BICD2: variants seen among roughly 807,000 people sequenced by gnomAD.
The protein encoded by BICD2 is protein bicaudal D homolog 2.
A neutral mutation model predicts 72.9 loss-of-function variants in BICD2; 25 were observed. The observed-to-expected ratio is 0.34, with a 90% confidence interval of 0.25 to 0.48. The LOEUF is 0.48. Ranked by LOEUF, BICD2 falls within the 20% of genes least tolerant of loss-of-function variation. The pLI, the probability that BICD2 is intolerant of heterozygous loss-of-function variation, is 0.99. For missense variants in BICD2, 894 were observed against 1,175.2 expected (o/e 0.76, Z 3.50); for synonymous variants, 501 against 516.1 (o/e 0.97, Z 0.40).
rs779170531 is a variant in BICD2 at position 92,715,391 on chromosome 9, C to T, written c.2331G>A (p.Thr777=). 2.9e-5 allele frequency: 46 copies of T among 1,610,258 alleles called. No individual in the cohort carries two copies. The highest frequency in any genetic ancestry group is 3.7e-5 in the Non-Finnish European group (44 of 1,177,414). The change falls in exon 7 of 7, where the codon ACG becomes ACA. Residue 777 remains threonine, a synonymous_variant. Coordinates refer to ENST00000356884, the MANE Select transcript of BICD2 (RefSeq NM_001003800.2). ...TGGCCATGCGCAGCAGCGAGTTCAGCGTCTTCTTCTCGTCCTCAGCAGCCG... is the reference window on the plus strand; with the variant it reads ...TGGCCATGCGCAGCAGCGAGTTCAGTGTCTTCTTCTCGTCCTCAGCAGCCG... ...QLAAAEDEKK[T]LNSLLRMAIQ... is the part of the protein sequence containing the mutation.
At chr9:92,746,974 T>C (rs2131526870) in intron 1 of BICD2, among the ~76,000 whole-genome samples, 2 of 152,354 alleles carry the variant, frequency 1.3e-5, no homozygotes, top group Middle Eastern at 6.8e-3. Flanking sequence ...CGGAAATGTC[T>C]GACTGTTGAG....
intron 1 of BICD2, among the ~76,000 whole-genome samples, chr9:92,757,588 C>T (rs557852705): frequency 6.1e-4 from 4 of 6,560 alleles, no homozygotes; most frequent in Non-Finnish European, 9.3e-4. Flanking sequence ...CCAGCTACTG[C>T]GGGGGGGCGG....
chr9:92,757,123 G>A (rs1382719931), intron 1 of BICD2, among the ~76,000 whole-genome samples: 1 of 151,874 alleles, frequency 6.6e-6, no homozygotes, highest in Non-Finnish European at 1.5e-5. Flanking sequence ...AGACCAGCCC[G>A]GGCAACATGG....
At chr9:92,724,950 C>T (rs1229977754) in intron 2 of BICD2, among the ~76,000 whole-genome samples, 2 of 152,218 alleles carry the variant, frequency 1.3e-5, no homozygotes. Context: ...CCAGCCGGCT[C>T]CTCAGGCGGA....
intron 6 of BICD2, among the ~76,000 whole-genome samples, chr9:92,716,754 G>C (rs1853323115): frequency 6.6e-6 from 1 of 152,212 alleles, no homozygotes; most frequent in African/African-American, 2.4e-5. Flanking sequence ...CTGAAACCAG[G>C]ACCTGCCCCA....
At position 92,713,989 on chromosome 9, in the gene BICD2, C is replaced by T. The variant is rs749817557; in HGVS notation, c.*1165G>A. On this transcript the variant is annotated 3_prime_UTR_variant, in exon 7 of 7. Coordinates refer to ENST00000356884, the MANE Select transcript of BICD2 (RefSeq NM_001003800.2). ...CCACAGGGTGATCGGGAAAAAAGTA[C>T]TGAGAAAAGTTCTGCTCAGAATGTG... 21 of 987,504 alleles carry T rather than the reference C, an allele frequency of 2.1e-5. No homozygotes were observed. Among genetic ancestry groups the T allele is most frequent in the Non-Finnish European group, 2.4e-5 (20 of 831,236 alleles). 61.2% of individuals were successfully genotyped at this position (987,504 alleles called of 1,614,324 possible).
intron 1 of BICD2, among the ~76,000 whole-genome samples, chr9:92,745,021 T>G (rs1444417771): frequency 6.6e-6 from 1 of 152,200 alleles, no homozygotes; most frequent in East Asian, 1.9e-4. Flanking sequence ...TTGCTTGTTA[T>G]TCATAAAATG....
chr9:92,733,800 T>C (rs1853722447), intron 1 of BICD2, among the ~76,000 whole-genome samples: 2 of 151,846 alleles, frequency 1.3e-5, no homozygotes, highest in Admixed American at 6.6e-5. Context: ...ACCCCGTCTC[T>C]ACTAAAAATA....
In BICD2 at chr9:92,753,962, G is replaced by A. The variant is rs556039136; in HGVS notation, c.240+10543C>T. Among the ~76,000 whole-genome samples, 452 of 151,308 alleles carry A rather than the reference G, an allele frequency of 3.0e-3. 1 individual carries two copies. Among genetic ancestry groups the A allele is most frequent in the Non-Finnish European group, 5.4e-3 (369 of 67,798 alleles). On this transcript the variant is annotated intron_variant, in intron 1 of 6. Coordinates refer to ENST00000356884, the MANE Select transcript of BICD2 (RefSeq NM_001003800.2). Reference sequence around the variant, plus strand: ...GATCAAGACCATCCCAGCTAACACCGTGAAACCCCGTCACTACTAAAAATA... The same window carrying A: ...GATCAAGACCATCCCAGCTAACACCATGAAACCCCGTCACTACTAAAAATA...
chr9:92,737,624 G>A (rs1332922565), intron 1 of BICD2, among the ~76,000 whole-genome samples: 1 of 152,144 alleles, frequency 6.6e-6, no homozygotes, highest in African/African-American at 2.4e-5. Context: ...AAAAGATTAC[G>A]ACCAACAACA....
At chr9:92,745,714 A>C (rs1430870826) in intron 1 of BICD2, among the ~76,000 whole-genome samples, 1 of 152,150 alleles carries the variant, frequency 6.6e-6, no homozygotes, top group African/African-American at 2.4e-5. Context: ...CTCTCACAGG[A>C]GGTATTAGCT....
rs1445458188 is a variant in BICD2, at chr9:92,720,584, C to A, written c.778G>T (p.Glu260Ter). 1 of 1,614,164 alleles carries A rather than the reference C, an allele frequency of 6.2e-7. No individual in the cohort carries two copies. ...TTGATGCTCATGTAGTGTGACAGCT[C>A]CTTGCGCAGGCTGTTCTTCTGTTCG... ...EREQKNSLRK[E>*]LSHYMSINDS... Residue 260 changes from glutamate to a stop codon, truncating the protein, a stop_gained, in exon 4 of 7, where the codon GAG becomes TAG. Coordinates refer to ENST00000356884, the MANE Select transcript of BICD2 (RefSeq NM_001003800.2). LOFTEE classifies it high-confidence loss of function. The surrounding 1 kb of genome is among the most constrained non-coding windows in gnomAD (Gnocchi z 5.4).
chr9:92,727,295 C>T (rs138314148), intron 2 of BICD2, among the ~76,000 whole-genome samples: 1 of 152,210 alleles, frequency 6.6e-6, no homozygotes, highest in Non-Finnish European at 1.5e-5. Flanking sequence ...GCCCTGCTGA[C>T]CTCCCGTAAG....
Position 92,713,735 on chromosome 9 carries a change from C to A in BICD2, c.*1419G>T, listed in dbSNP as rs1396253040. The A allele has an allele frequency of 1.5e-5, 20 of 1,354,158 alleles. No homozygotes were observed. Among genetic ancestry groups the A allele is most frequent in the Non-Finnish European group, 1.9e-5 (20 of 1,047,788 alleles). 83.9% of individuals were successfully genotyped at this position (1,354,158 alleles called of 1,614,324 possible). A position where few individuals can be genotyped will look rare whatever the true frequency, so the allele number is the denominator to read the frequency against. ...CATCCCACTGCGAGTCTTGCTGGGG[C>A]AGGGGGATCTGGGCCCAGGATGAAC... On this transcript the variant is annotated 3_prime_UTR_variant, in exon 7 of 7. Transcript: ENST00000356884.
intron 1 of BICD2, among the ~76,000 whole-genome samples, chr9:92,743,501 C>T (rs1853941265): frequency 6.6e-6 from 1 of 152,030 alleles, no homozygotes; most frequent in South Asian, 2.1e-4. Flanking sequence ...AGCCTCTTTC[C>T]ATTTTATTTA....
At chr9:92,734,510 T>C (rs1433997146) in intron 1 of BICD2, among the ~76,000 whole-genome samples, 1 of 95,120 alleles carries the variant, frequency 1.1e-5, no homozygotes, top group Non-Finnish European at 2.0e-5. Flanking sequence ...CTAGACCCTG[T>C]CTCAAAAAAA....
intron 1 of BICD2, among the ~76,000 whole-genome samples, chr9:92,730,145 T>C (rs1425293739): frequency 1.3e-5 from 2 of 152,040 alleles, no homozygotes; most frequent in Non-Finnish European, 2.9e-5. Flanking sequence ...CTTCCATGGG[T>C]AGAGGGCAGA....
At chr9:92,752,938 C>T (rs903131199) in intron 1 of BICD2, among the ~76,000 whole-genome samples, 3 of 152,120 alleles carry the variant, frequency 2.0e-5, no homozygotes, top group African/African-American at 7.2e-5. Flanking sequence ...AATTTCCTTC[C>T]CGAGAATACA....
intron 3 of BICD2, 122 bp downstream of exon 3, chr9:92,722,534 T>C: frequency 1.5e-6 from 2 of 1,340,480 alleles, no homozygotes; most frequent in Non-Finnish European, 2.0e-6. Flanking sequence ...AAGCTGGCCC[T>C]GGGCCTCGGG....
Sources: allele counts gnomAD v4.1 joint callset (sites outside exome capture counted in the v4.1 genomes callset), GRCh38; gene constraint gnomAD v4.1.1; non-coding constraint Gnocchi (gnomAD v3.1); transcripts MANE v1.5; gene names NCBI Gene and HGNC (gene_info 2026-07-23, HGNC 2026-07-21).